Variants in RIMBP2 observed in about 807,000 individuals in gnomAD.
RIMBP2 encodes the protein RIMS binding protein 2, also known as RIMS-binding protein 2.
RIMBP2 carries 48 observed loss-of-function variants against 118.6 expected under a neutral mutation model. That is an observed-to-expected ratio of 0.40 (90% CI 0.32 to 0.51). The LOEUF is 0.51. RIMBP2 is among the 20% of genes least tolerant of loss of function. RIMBP2 has a pLI of 0.41. For synonymous variants in RIMBP2, 762 were observed against 742.9 expected, an observed-to-expected ratio of 1.03 and a Z score of -0.42; for missense variants, 1,551 against 1,768.3, an observed-to-expected ratio of 0.88 and a Z score of 2.20.
chr12:130,459,055 AAAAAC>A (rs1566076995), intron 6 of RIMBP2, among the ~76,000 whole-genome samples: 1 of 15,460 alleles, frequency 6.5e-5, no homozygotes, highest in Non-Finnish European at 1.1e-3. Context: ...AAAAAAAAAA[AAAAAC>A]AAAAAAAAAG....
At chr12:130,500,056 G>A (rs1417777993) in intron 4 of RIMBP2, among the ~76,000 whole-genome samples, 1 of 152,192 alleles carries the variant, frequency 6.6e-6, no homozygotes, top group African/African-American at 2.4e-5. Context: ...AGTGCCTGAG[G>A]TAAACAAATC....
At chr12:130,707,490 A>G (rs1237988151) in intron 1 of RIMBP2, among the ~76,000 whole-genome samples, 2 of 152,118 alleles carry the variant, frequency 1.3e-5, no homozygotes, top group African/African-American at 4.8e-5. Context: ...GCCCTGAACA[A>G]CATGATGAGT....
chr12:130,524,940 G>A (rs191153821), intron 2 of RIMBP2, among the ~76,000 whole-genome samples: 3 of 152,306 alleles, frequency 2.0e-5, no homozygotes, highest in Admixed American at 2.0e-4. Flanking sequence ...CGGTTGCGCT[G>A]GGGCTTGGTG....
intron 2 of RIMBP2, among the ~76,000 whole-genome samples, chr12:130,569,907 T>C (rs2057502268): frequency 6.6e-6 from 1 of 152,206 alleles, no homozygotes; most frequent in South Asian, 2.1e-4. Context: ...ATTATTTGCA[T>C]TTAAAAGGCA....
At chr12:130,697,000 G>T (rs559767655) in intron 1 of RIMBP2, among the ~76,000 whole-genome samples, 1 of 152,348 alleles carries the variant, frequency 6.6e-6, no homozygotes, top group South Asian at 2.1e-4. Flanking sequence ...AGATTGGGAA[G>T]TGCCTCGCCT....
rs577380899 is a variant in RIMBP2, at chr12:130,555,153, CCA to C, written c.-216-37238_-216-37237del. Reference sequence around the variant, plus strand: ...AAGACTTGAACCCTGCGATCTGACTCCAGTGTTTGGGTGCTTAACTACTATCC... The same window carrying C: ...AAGACTTGAACCCTGCGATCTGACTCGTGTTTGGGTGCTTAACTACTATCC... On this transcript the variant is annotated intron_variant, in intron 2 of 22. Transcript: ENST00000690449. 9.8e-5 allele frequency among the ~76,000 whole-genome samples: 15 copies of C among 152,330 alleles called. No homozygotes were observed. The East Asian group carries it at 2.9e-3, about 29-fold the overall frequency.
chr12:130,437,630 A>G (rs545204360), intron 12 of RIMBP2, among the ~76,000 whole-genome samples: 1 of 152,276 alleles, frequency 6.6e-6, no homozygotes, highest in African/African-American at 2.4e-5. Context: ...CCACAGCTGG[A>G]GGGAAGAGAG....
Position 130,646,061 on chromosome 12 carries a change from AC to A in RIMBP2, c.-351-17606del, listed in dbSNP as rs1346799187. 9.7e-4 allele frequency among the ~76,000 whole-genome samples: 117 copies of A among 120,460 alleles called. 2 individuals carry two copies. Among genetic ancestry groups the A allele is most frequent in the East Asian group, 2.6e-3 (11 of 4,250 alleles). The allele number at this position is 120,460 out of a possible 152,430, so 79.0% of individuals were successfully genotyped here. ...CAGTTCCCTCTCCACCTCCCTCACC[AC>A]CTGCCTCTCCACCTCCCTCACCACT... On this transcript the variant is annotated intron_variant, in intron 1 of 22. Transcript: ENST00000690449.
chr12:130,424,101 G>A lies in RIMBP2; in HGVS notation c.3129+41C>T. On this transcript the variant is annotated intron_variant, in intron 16 of 22. Coordinates refer to ENST00000690449, the MANE Select transcript of RIMBP2 (RefSeq NM_001393629.1). This position sits in a 1 kb window ranked among gnomAD's most constrained non-coding sequence, Gnocchi z 9.8. ...ACCAGTGAAAGGATGGGACAGATTG[G>A]TTTGGCAAGCGGCTGTGAAAAGGAA... 9.1e-7 allele frequency: 1 copy of A among 1,095,542 alleles called. No homozygotes were observed. Among genetic ancestry groups the A allele is most frequent in the South Asian group, 4.6e-5 (1 of 21,596 alleles). 67.9% of individuals were successfully genotyped at this position (1,095,542 alleles called of 1,614,324 possible). A position where few individuals can be genotyped will look rare whatever the true frequency, so the allele number is the denominator to read the frequency against.
intron 13 of RIMBP2, among the ~76,000 whole-genome samples, chr12:130,435,488 C>T (rs895405369): frequency 1.3e-5 from 2 of 152,148 alleles, no homozygotes; most frequent in Non-Finnish European, 2.9e-5. Context: ...CTTTCTCTCC[C>T]GCCCCAGGCT....
At chr12:130,570,593 C>G (rs12422651) in intron 2 of RIMBP2, among the ~76,000 whole-genome samples, 3 of 152,264 alleles carry the variant, frequency 2.0e-5, no homozygotes, top group African/African-American at 7.2e-5. Flanking sequence ...ACTGCCTGCG[C>G]GACACCTGCT....
At chr12:130,690,981 G>C (rs1566460094) in intron 1 of RIMBP2, among the ~76,000 whole-genome samples, 2 of 152,196 alleles carry the variant, frequency 1.3e-5, no homozygotes, top group East Asian at 3.9e-4. Context: ...AATTCACAAG[G>C]GCCCACAGAA....
chr12:130,657,249 T>C (rs569028675), intron 1 of RIMBP2, among the ~76,000 whole-genome samples: 3 of 152,320 alleles, frequency 2.0e-5, no homozygotes, highest in South Asian at 2.1e-4. Flanking sequence ...CACATCCTCA[T>C]GTCCTCATCT....
chr12:130,427,921 G>C (rs1225494423), intron 15 of RIMBP2: 2 of 361,966 alleles, frequency 5.5e-6, no homozygotes, highest in Non-Finnish European at 9.8e-6. Flanking sequence ...TCCTGGCACA[G>C]AGCTGGGTGC....
chr12:130,632,910 G>T (rs1243484376), intron 1 of RIMBP2, among the ~76,000 whole-genome samples: 1 of 152,158 alleles, frequency 6.6e-6, no homozygotes, highest in African/African-American at 2.4e-5. Context: ...TACTGCTGCC[G>T]TGGAACACCA....
chr12:130,587,274 T>C (rs1442202147), intron 2 of RIMBP2, among the ~76,000 whole-genome samples: 517 of 102,424 alleles, frequency 5.0e-3, no homozygotes, highest in African/African-American at 0.015. Flanking sequence ...AGTGTGGCGA[T>C]TCCTCAGGGA....
chr12:130,569,338 C>T (rs1593838098), intron 2 of RIMBP2, among the ~76,000 whole-genome samples: 1 of 152,186 alleles, frequency 6.6e-6, no homozygotes, highest in Admixed American at 6.5e-5. Flanking sequence ...AAGCGTCCCC[C>T]TCCAGCCATC....
chr12:130,567,696 C>A (rs77030653), intron 2 of RIMBP2, among the ~76,000 whole-genome samples: 1 of 152,228 alleles, frequency 6.6e-6, no homozygotes, highest in East Asian at 1.9e-4. Context: ...GCAGCCACAG[C>A]GGCCAACACC....
intron 1 of RIMBP2, among the ~76,000 whole-genome samples, chr12:130,653,785 C>T (rs1388959173): frequency 6.6e-6 from 1 of 152,248 alleles, no homozygotes; most frequent in African/African-American, 2.4e-5. Context: ...GGCTTAACAA[C>T]ATGTGGAAGC....
Sources: allele counts gnomAD v4.1 joint callset (sites outside exome capture counted in the v4.1 genomes callset), GRCh38; gene constraint gnomAD v4.1.1; non-coding constraint Gnocchi (gnomAD v3.1); transcripts MANE v1.5; gene names NCBI Gene and HGNC (gene_info 2026-07-23, HGNC 2026-07-21).